The following CATSPERT variants were observed in gnomAD, a reference collection of about 807,000 sequenced individuals.
The protein encoded by CATSPERT is catsper channel auxiliary subunit tau.
the CATSPERT span, among the ~76,000 whole-genome samples, chr2:201,592,852 T>A: frequency 3.3e-5 from 5 of 152,186 alleles, no homozygotes; most frequent in African/African-American, 1.2e-4. Flanking sequence ...TTTTATTGCA[T>A]CTATTTGATT....
At chr2:201,573,994 A>G in the CATSPERT span, among the ~76,000 whole-genome samples, 1 of 152,236 alleles carries the variant, frequency 6.6e-6, no homozygotes, top group Admixed American at 6.5e-5. Context: ...TTTGAATAAA[A>G]TATCATTGCT....
the CATSPERT span, among the ~76,000 whole-genome samples, chr2:201,615,228 T>C: frequency 6.6e-6 from 1 of 152,146 alleles, no homozygotes; most frequent in African/African-American, 2.4e-5. Flanking sequence ...TACAGAACTC[T>C]CCACCCCAAA....
the CATSPERT span, chr2:201,491,790 C>A: frequency 1.6e-5 from 25 of 1,537,072 alleles, no homozygotes; most frequent in African/African-American, 4.1e-5. Flanking sequence ...TCTTTTCACA[C>A]CAAGCTTTTG....
chr2:201,493,724 T>C, the CATSPERT span: 6 of 1,537,272 alleles, frequency 3.9e-6, no homozygotes, highest in African/African-American at 2.7e-5. Context: ...TCTGAGAATA[T>C]TGGTGCAGTG....
chr2:201,495,589 C>A, the CATSPERT span, among the ~76,000 whole-genome samples: 1 of 151,540 alleles, frequency 6.6e-6, no homozygotes, highest in Admixed American at 6.6e-5. Context: ...TTTATTTCAA[C>A]TTAGTAGTTC....
At chr2:201,501,395 C>CAAAAA in the CATSPERT span, among the ~76,000 whole-genome samples, 537 of 45,406 alleles carry the variant, frequency 0.012, no homozygotes, top group Non-Finnish European at 0.013. Flanking sequence ...AACTCCATCT[C>CAAAAA]AAAAAAAAAA....
the CATSPERT span, among the ~76,000 whole-genome samples, chr2:201,498,248 C>T: frequency 4.5e-4 from 68 of 152,138 alleles, no homozygotes; most frequent in Admixed American, 1.0e-3. Flanking sequence ...GTTCAAAAGA[C>T]TCAAAACCAG....
the CATSPERT span, chr2:201,604,668 A>G: frequency 6.2e-7 from 1 of 1,605,668 alleles, no homozygotes; most frequent in Admixed American, 1.7e-5. Context: ...GTTCTTCACT[A>G]TCAGACTCTT....
At chr2:201,496,216 A>G in the CATSPERT span, among the ~76,000 whole-genome samples, 1 of 152,200 alleles carries the variant, frequency 6.6e-6, no homozygotes, top group Admixed American at 6.5e-5. Context: ...CAGCAACTTC[A>G]AGCAGAAACA....
At chr2:201,530,790 G>A in the CATSPERT span, among the ~76,000 whole-genome samples, 6 of 152,204 alleles carry the variant, frequency 3.9e-5, no homozygotes, top group East Asian at 1.2e-3. Context: ...CTGACATTTA[G>A]TGTGTCAGAG....
the CATSPERT span, among the ~76,000 whole-genome samples, chr2:201,519,997 G>A: frequency 1.4e-4 from 21 of 152,114 alleles, no homozygotes; most frequent in Admixed American, 5.2e-4. Flanking sequence ...AAACAGAAAC[G>A]AAAAGCAAGC....
At chr2:201,601,589 A>G in the CATSPERT span, 2 of 662,136 alleles carry the variant, frequency 3.0e-6, no homozygotes, top group African/African-American at 3.8e-5. Flanking sequence ...AGCCCATGGT[A>G]TAGAAATAGA....
chr2:201,617,494 T>C, the CATSPERT span, among the ~76,000 whole-genome samples: 1 of 152,234 alleles, frequency 6.6e-6, no homozygotes, highest in Non-Finnish European at 1.5e-5. Context: ...TTGGGAAAAC[T>C]GGCTCGCCAT....
chr2:201,537,623 C>T, the CATSPERT span: 1 of 580,832 alleles, frequency 1.7e-6, no homozygotes, highest in Non-Finnish European at 2.9e-6. Flanking sequence ...AACATAAACA[C>T]TACTTAGTAT....
At chr2:201,492,986 T>C in the CATSPERT span, 1 of 1,536,436 alleles carries the variant, frequency 6.5e-7, no homozygotes. Context: ...TTGTCTGCTT[T>C]ATCAAAATCC....
At chr2:201,487,489 G>C in the CATSPERT span, 1 of 943,890 alleles carries the variant, frequency 1.1e-6, no homozygotes, top group Non-Finnish European at 1.5e-6. Flanking sequence ...GCTGACTTCT[G>C]TCACACAAAA....
At chr2:201,534,661 T>C in the CATSPERT span, 2 of 984,402 alleles carry the variant, frequency 2.0e-6, no homozygotes, top group Admixed American at 1.2e-4. Context: ...AATACTCAAA[T>C]ACTGTTGGTA....
chr2:201,579,431 G>A, the CATSPERT span, among the ~76,000 whole-genome samples: 1 of 151,614 alleles, frequency 6.6e-6, no homozygotes, highest in African/African-American at 2.4e-5. Flanking sequence ...TTTTTTTGTG[G>A]GTTTTGTTTT....
At chr2:201,547,691 C>A in the CATSPERT span, 1 of 651,592 alleles carries the variant, frequency 1.5e-6, no homozygotes. Flanking sequence ...AGAATACTTG[C>A]AATGTGATCC....
Sources: gnomAD v4.1 joint callset for allele counts (sites outside exome capture counted in the v4.1 genomes callset) on GRCh38, gnomAD v4.1.1 for gene constraint, MANE v1.5 for transcripts, NCBI Gene and HGNC (gene_info 2026-07-23, HGNC 2026-07-21) for gene names.